CSMD1: variants seen among roughly 807,000 people sequenced by gnomAD.
CSMD1 encodes the protein CUB and Sushi multiple domains 1.
CSMD1 carries 213 observed loss-of-function variants against 417.5 expected under a neutral mutation model. The observed-to-expected ratio is 0.51, with a 90% CI of 0.46 to 0.57. The LOEUF (loss-of-function observed/expected upper bound fraction) is 0.57, where lower values mean the gene tolerates loss of function less well. CSMD1 is among the 20% of genes least tolerant of loss of function. CSMD1 has a pLI of 0.00. For missense variants in CSMD1, 6,923 were observed against 4,529.7 expected (o/e 1.53, Z -15.17); for synonymous variants, 2,862 against 1,736.8 (o/e 1.65, Z -16.11).
At chr8:3,070,424 C>A (rs932695400) in intron 49 of CSMD1, among the ~76,000 whole-genome samples, 7 of 152,200 alleles carry the variant, frequency 4.6e-5, no homozygotes, top group African/African-American at 1.7e-4. Flanking sequence ...TGTATTTGAA[C>A]ATAGGCTGTA....
At chr8:3,411,109 G>A (rs1238985416) in intron 12 of CSMD1, among the ~76,000 whole-genome samples, 1 of 152,118 alleles carries the variant, frequency 6.6e-6, no homozygotes, top group Non-Finnish European at 1.5e-5. Flanking sequence ...CAGGAAGAAG[G>A]CACTGCAGAG....
intron 3 of CSMD1, among the ~76,000 whole-genome samples, chr8:4,238,515 C>T (rs989153864): frequency 6.6e-6 from 1 of 152,168 alleles, no homozygotes; most frequent in African/African-American, 2.4e-5. Flanking sequence ...GAGGCACAGG[C>T]CCCATGGTCA....
chr8:3,551,548 C>T (rs1176838225), intron 10 of CSMD1, among the ~76,000 whole-genome samples: 1 of 148,498 alleles, frequency 6.7e-6, no homozygotes, highest in East Asian at 2.0e-4. Flanking sequence ...TGGTAAAGCT[C>T]TCTTTTCAGA....
chr8:3,711,335 A>C (rs1310236985), intron 6 of CSMD1, among the ~76,000 whole-genome samples: 1 of 152,146 alleles, frequency 6.6e-6, no homozygotes, highest in East Asian at 1.9e-4. Context: ...GAGGTGGGCC[A>C]CCCAGATCCC....
chr8:3,080,736 T>C lies in CSMD1; in HGVS notation c.7474+6361A>G, dbSNP rs945815023. 3.3e-5 allele frequency among the ~76,000 whole-genome samples: 5 copies of C among 152,200 alleles called. No homozygotes were observed. The South Asian group carries it at 1.0e-3, about 32-fold the overall frequency. On this transcript the variant is annotated intron_variant, in intron 49 of 69. Transcript: ENST00000635120. ...ATATCTGACGGCTTATCCTATATTA[T>C]TTATTGAATCCTCTCAATAATTCTG...
intron 3 of CSMD1, among the ~76,000 whole-genome samples, chr8:4,164,671 G>C (rs1251824443): frequency 3.9e-5 from 6 of 152,082 alleles, no homozygotes; most frequent in African/African-American, 1.4e-4. Context: ...TGAATTTTGA[G>C]AATATAAGAT....
At chr8:4,772,439 C>G (rs530119381) in intron 1 of CSMD1, among the ~76,000 whole-genome samples, 1 of 152,252 alleles carries the variant, frequency 6.6e-6, no homozygotes, top group East Asian at 1.9e-4. Flanking sequence ...ATTTTAAGGC[C>G]TATAGCTTTA....
chr8:3,783,904 G>A (rs999956361), intron 5 of CSMD1, among the ~76,000 whole-genome samples: 5 of 49,328 alleles, frequency 1.0e-4, no homozygotes, highest in African/African-American at 4.3e-4. Flanking sequence ...TGTGGTGCAG[G>A]CTGGAGCTGG....
At chr8:4,634,544 T>C (rs1382034750) in intron 2 of CSMD1, among the ~76,000 whole-genome samples, 1 of 152,206 alleles carries the variant, frequency 6.6e-6, no homozygotes, top group East Asian at 1.9e-4. Flanking sequence ...AAGACAGCTC[T>C]AAGCAATAAC....
intron 46 of CSMD1, among the ~76,000 whole-genome samples, chr8:3,099,585 A>T (rs569391348): frequency 6.6e-6 from 1 of 152,336 alleles, no homozygotes; most frequent in South Asian, 2.1e-4. Context: ...CTGAGATTTT[A>T]TAACTGCAGC....
chr8:4,092,736 C>T (rs1340395608), intron 3 of CSMD1, among the ~76,000 whole-genome samples: 2 of 152,050 alleles, frequency 1.3e-5, no homozygotes, highest in Admixed American at 1.3e-4. Context: ...TTTTTAACTT[C>T]CACATTTTCT....
rs183387416 is a variant in CSMD1, at chr8:3,612,723, G to C, written c.1097+3987C>G. Among the ~76,000 whole-genome samples, 18 of 152,184 alleles carry C rather than the reference G, an allele frequency of 1.2e-4. No individual in the cohort carries two copies. In the East Asian group the frequency reaches 3.5e-3, roughly 29 times the overall value. ...CAAGGGAAAATAGAATGTAATTCAA[G>C]CTGCAGGAAAATGAAAACACAGCAT... On this transcript the variant is annotated intron_variant, in intron 8 of 69. Transcript: ENST00000635120.
chr8:3,461,888 C>T (rs1816528674), intron 12 of CSMD1, among the ~76,000 whole-genome samples: 1 of 152,322 alleles, frequency 6.6e-6, no homozygotes, highest in Admixed American at 6.5e-5. Context: ...GTCAGCATCG[C>T]CCTGCTGCAG....
intron 1 of CSMD1, among the ~76,000 whole-genome samples, chr8:4,916,903 G>C (rs1249477194): frequency 1.3e-5 from 2 of 152,200 alleles, no homozygotes; most frequent in African/African-American, 2.4e-5. Context: ...TTTTTGACTG[G>C]TGATGGATAC....
chr8:4,389,284 A>G (rs1219295052), intron 3 of CSMD1, among the ~76,000 whole-genome samples: 3 of 152,198 alleles, frequency 2.0e-5, no homozygotes, highest in Admixed American at 6.5e-5. Context: ...AACCAGGAGA[A>G]TTAGAAAATG....
At chr8:3,797,767 C>T (rs75527038) in intron 5 of CSMD1, among the ~76,000 whole-genome samples, 187 of 151,984 alleles carry the variant, frequency 1.2e-3, no homozygotes, top group African/African-American at 4.3e-3. Context: ...TTTCATTAAA[C>T]GTGATAAAAC....
At chr8:3,093,813 T>A (rs1815113860) in intron 47 of CSMD1, among the ~76,000 whole-genome samples, 1 of 152,096 alleles carries the variant, frequency 6.6e-6, no homozygotes, top group African/African-American at 2.4e-5. Flanking sequence ...CTGACTTTGG[T>A]CAGAGAGAAG....
At chr8:3,318,889 A>C (rs1805962044) in intron 23 of CSMD1, among the ~76,000 whole-genome samples, 1 of 152,148 alleles carries the variant, frequency 6.6e-6, no homozygotes, top group African/African-American at 2.4e-5. Context: ...CTGTAAACTA[A>C]CACAGGTCAT....
At chr8:3,764,557 G>A (rs767281287) in intron 5 of CSMD1, among the ~76,000 whole-genome samples, 1 of 152,048 alleles carries the variant, frequency 6.6e-6, no homozygotes, top group African/African-American at 2.4e-5. Context: ...ACAGGTTGCT[G>A]TGAGTGTCTG....
Sources: gnomAD v4.1 joint callset for allele counts (sites outside exome capture counted in the v4.1 genomes callset) on GRCh38, gnomAD v4.1.1 for gene constraint, MANE v1.5 for transcripts, NCBI Gene and HGNC (gene_info 2026-07-23, HGNC 2026-07-21) for gene names.